RPGRIP1: variants seen among roughly 807,000 people sequenced by gnomAD.
RPGRIP1 encodes RPGR interacting protein 1, also known as X-linked retinitis pigmentosa GTPase regulator-interacting protein 1.
A neutral mutation model predicts 157.9 loss-of-function variants in RPGRIP1; 128 were observed. The observed-to-expected ratio is 0.81, with a 90% CI of 0.70 to 0.94. The LOEUF (loss-of-function observed/expected upper bound fraction) is 0.94. Ranked by LOEUF, RPGRIP1 falls within the 40% of genes least tolerant of loss-of-function variation. The probability of loss-of-function intolerance (pLI) is 0.00; values close to 1 mark genes in which losing one functional copy is unlikely to be tolerated. For missense variants in RPGRIP1, 1,486 were observed against 1,545.8 expected (o/e 0.96, Z 0.65); for synonymous variants, 554 against 571.6 (o/e 0.97, Z 0.44).
intron 21 of RPGRIP1, among the ~76,000 whole-genome samples, chr14:21,338,996 C>A (rs753121480): frequency 6.6e-6 from 1 of 151,962 alleles, no homozygotes; most frequent in South Asian, 2.1e-4. Context: ...ATTAGCCGGG[C>A]GTGATGACGG....
In RPGRIP1 at chr14:21,330,229, T is replaced by G; in HGVS notation, c.3100-20T>G. ...CCAAGATATTACCAGCTATGTAGTA[T>G]TGTTGTTCTTATTCTGAAGCAGGTG... On this transcript the variant is annotated intron_variant, in intron 19 of 24. Transcript: ENST00000400017. The G allele has an allele frequency of 6.5e-7, 1 of 1,530,844 alleles. No individual in the cohort carries two copies. Among genetic ancestry groups the G allele is most frequent in the Non-Finnish European group, 8.7e-7 (1 of 1,146,116 alleles). The allele number at this position is 1,530,844 out of a possible 1,614,324, so 94.8% of individuals were successfully genotyped here. A position where few individuals can be genotyped will look rare whatever the true frequency, so the allele number is the denominator to read the frequency against.
chr14:21,283,695 C>T (rs931894883), intron 1 of RPGRIP1, among the ~76,000 whole-genome samples: 1 of 151,538 alleles, frequency 6.6e-6, no homozygotes, highest in Non-Finnish European at 1.5e-5. Flanking sequence ...CTGCTTTGCC[C>T]AGGCTGGAGT....
intron 1 of RPGRIP1, among the ~76,000 whole-genome samples, chr14:21,285,556 G>A (rs908628938): frequency 6.7e-6 from 1 of 150,180 alleles, no homozygotes; most frequent in African/African-American, 2.5e-5. Flanking sequence ...AGTGAGCTGA[G>A]ATCGCGCCAC....
rs1881129526 is a variant in RPGRIP1 at position 21,303,506 on chromosome 14, A to C, written c.763A>C (p.Ser255Arg). Residue 255 changes from serine to arginine, a missense_variant, in exon 6 of 25, where the codon AGC becomes CGC. Physicochemically the swap from Ser to Arg is moderately radical, Grantham distance 110. Coordinates refer to ENST00000400017, the MANE Select transcript of RPGRIP1 (RefSeq NM_020366.4). Reference protein sequence around the residue: ...WPKDENFEQRSSLECAQKAAE... With the variant: ...WPKDENFEQRRSLECAQKAAE... ...TAAAGATGAAAATTTTGAACAGAGA[A>C]GCTCATTGGAGTGTGCTCAGAAGGC... The C allele has an allele frequency of 1.2e-6, 2 of 1,613,944 alleles. No homozygotes were observed. The highest frequency in any genetic ancestry group is 2.2e-5 in the East Asian group (1 of 44,884).
chr14:21,334,532 T>C, intron 20 of RPGRIP1, 73 bp from the exon 21 acceptor site: 1 of 973,668 alleles, frequency 1.0e-6, no homozygotes, highest in Non-Finnish European at 1.6e-6. Context: ...GGATTGGAGA[T>C]GTGTGTGCTG....
chr14:21,293,997 G>C (rs1308822763), intron 2 of RPGRIP1, among the ~76,000 whole-genome samples: 1 of 137,898 alleles, frequency 7.3e-6, no homozygotes, highest in East Asian at 2.2e-4. Context: ...AGGTTGCAGT[G>C]AGCCAAGATC....
In RPGRIP1 at chr14:21,321,131, T is replaced by G. The variant is rs1245948143; in HGVS notation, c.1468-128T>G. ...AGCACTTGTGAAGTCATACAGGTCC[T>G]TGTTTACATTTTGGAGTAGTTTCTG... On this transcript the variant is annotated intron_variant, in intron 12 of 24. Coordinates refer to ENST00000400017, the MANE Select transcript of RPGRIP1 (RefSeq NM_020366.4). 3 of 913,826 alleles carry G rather than the reference T, an allele frequency of 3.3e-6. No homozygotes were observed. Among genetic ancestry groups the G allele is most frequent in the Non-Finnish European group, 4.8e-6 (3 of 618,966 alleles). 56.6% of individuals were successfully genotyped at this position (913,826 alleles called of 1,614,324 possible). A position where few individuals can be genotyped will look rare whatever the true frequency, so the allele number is the denominator to read the frequency against.
intron 21 of RPGRIP1, among the ~76,000 whole-genome samples, chr14:21,338,061 C>T (rs1305329024): frequency 2.6e-5 from 4 of 152,110 alleles, no homozygotes; most frequent in Admixed American, 6.5e-5. Context: ...GGACTACAGG[C>T]GCACGCCACC....
intron 6 of RPGRIP1, 117 bp downstream of exon 6, chr14:21,303,660 GAGT>G: frequency 1.3e-6 from 1 of 779,488 alleles, no homozygotes; most frequent in Non-Finnish European, 2.1e-6. Flanking sequence ...AATTCAATCG[GAGT>G]AGTAGACACG....
At chr14:21,308,989 G>C (rs575249018) in intron 7 of RPGRIP1, among the ~76,000 whole-genome samples, 22 of 152,334 alleles carry the variant, frequency 1.4e-4, no homozygotes, top group African/African-American at 5.3e-4. Context: ...TCGGGGAAAG[G>C]ACAGGAAGAC....
chr14:21,288,024 C>T lies in RPGRIP1; in HGVS notation c.48C>T (p.Asp16=). The change falls in exon 2 of 25, where the codon GAC becomes GAT. Residue 16 remains aspartate (D), a synonymous_variant. Coordinates refer to ENST00000400017, the MANE Select transcript of RPGRIP1 (RefSeq NM_020366.4). The stretch of plus-strand genomic sequence containing the variant: ...CATCAGGAGACTTGCCAGTTAGAGA[C>T]ATAGATGCTATACCTCTGGTGCTAC... ...DPTSGDLPVR[D]IDAIPLVLPA... 2 of 1,613,312 alleles carry T rather than the reference C, an allele frequency of 1.2e-6. No individual in the cohort carries two copies. Among genetic ancestry groups the T allele is most frequent in the Non-Finnish European group, 1.7e-6 (2 of 1,179,320 alleles).
chr14:21,304,487 G>T (rs1327273287), intron 6 of RPGRIP1, among the ~76,000 whole-genome samples: 1 of 152,008 alleles, frequency 6.6e-6, no homozygotes, highest in Non-Finnish European at 1.5e-5. Context: ...AAGGATATTT[G>T]CTGCCTCACT....
rs556425184 is a variant in RPGRIP1, at chr14:21,290,797, C to T, written c.85+2736C>T. Among the ~76,000 whole-genome samples, 226 of 137,726 alleles carry T rather than the reference C, an allele frequency of 1.6e-3. 2 individuals carry two copies. Among genetic ancestry groups the T allele is most frequent in the African/African-American group, 5.5e-3 (201 of 36,590 alleles). The allele number at this position is 137,726 out of a possible 152,430, so 90.4% of individuals were successfully genotyped here. A position where few individuals can be genotyped will look rare whatever the true frequency, so the allele number is the denominator to read the frequency against. On this transcript the variant is annotated intron_variant, in intron 2 of 24. Transcript: ENST00000400017. ...TCGCGCCACTGCACTCAAGCCTGGG[C>T]GACAGAGTGAGACTCCGTCTCAAAA...
chr14:21,333,636 C>T (rs551291530), intron 20 of RPGRIP1, among the ~76,000 whole-genome samples: 32 of 152,256 alleles, frequency 2.1e-4, no homozygotes, highest in African/African-American at 7.7e-4. Context: ...GATAGCTCAC[C>T]CTACTAGCTG....
intron 22 of RPGRIP1, among the ~76,000 whole-genome samples, chr14:21,344,719 G>A (rs1308060857): frequency 6.6e-6 from 1 of 152,180 alleles, no homozygotes; most frequent in Non-Finnish European, 1.5e-5. Flanking sequence ...GCCAAGGCGG[G>A]CAGATTACTT....
intron 10 of RPGRIP1, among the ~76,000 whole-genome samples, chr14:21,313,288 G>A (rs897576886): frequency 2.0e-5 from 3 of 150,644 alleles, no homozygotes; most frequent in Admixed American, 6.6e-5. Context: ...GATAACTTGC[G>A]CCTAGAAGTT....
At chr14:21,333,146 G>T (rs193216512) in intron 20 of RPGRIP1, among the ~76,000 whole-genome samples, 107 of 152,252 alleles carry the variant, frequency 7.0e-4, no homozygotes, top group Admixed American at 3.3e-4. Flanking sequence ...GTTAGTACTC[G>T]CAAGAAGCTA....
At chr14:21,304,129 G>A (rs763799054) in intron 6 of RPGRIP1, among the ~76,000 whole-genome samples, 6 of 151,456 alleles carry the variant, frequency 4.0e-5, no homozygotes, top group African/African-American at 1.5e-4. Context: ...CCTGGCCAAC[G>A]TGGTGAAACC....
intron 3 of RPGRIP1, among the ~76,000 whole-genome samples, chr14:21,297,881 T>TTTCTTTTC (rs1555365068): frequency 1.1e-4 from 2 of 17,816 alleles, no homozygotes; most frequent in African/African-American, 2.3e-4. Flanking sequence ...TTCTTTCTTT[T>TTTCTTTTC]TTTTGAGATA....
Sources: gnomAD v4.1 joint callset for allele counts (sites outside exome capture counted in the v4.1 genomes callset) on GRCh38, gnomAD v4.1.1 for gene constraint, MANE v1.5 for transcripts, NCBI Gene and HGNC (gene_info 2026-07-23, HGNC 2026-07-21) for gene names.